The following DNAJB13 variants were observed in gnomAD, a reference collection of about 807,000 sequenced individuals.
DNAJB13 encodes dnaJ homolog subfamily B member 13.
In DNAJB13, 22 loss-of-function variants were observed where a neutral mutation model predicts 35.6. That is an observed-to-expected ratio of 0.62 (90% CI 0.44 to 0.88). The LOEUF (loss-of-function observed/expected upper bound fraction) is 0.88, where lower values mean the gene tolerates loss of function less well. DNAJB13 is among the 40% of genes least tolerant of loss of function. The probability of loss-of-function intolerance (pLI) is 0.00; values close to 1 mark genes in which losing one functional copy is unlikely to be tolerated. For missense variants in DNAJB13, 370 were observed against 384.3 expected (o/e 0.96, Z 0.31); for synonymous variants, 136 against 144.2 (o/e 0.94, Z 0.41).
intron 1 of DNAJB13, among the ~76,000 whole-genome samples, chr11:73,953,991 AT>A (rs1250162660): frequency 1.1e-4 from 14 of 125,666 alleles, no homozygotes; most frequent in African/African-American, 4.3e-4. Context: ...TGTCTCAAAA[AT>A]AATAATAAAA....
chr11:73,970,193 G>T lies in DNAJB13; in HGVS notation c.*79G>T. The T allele has an allele frequency of 6.6e-7, 1 of 1,507,430 alleles. No homozygotes were observed. 93.4% of individuals were successfully genotyped at this position (1,507,430 alleles called of 1,614,324 possible). The stretch of plus-strand genomic sequence containing the variant: ...CCTACCCGCCACAGCCTCAGGGTGT[G>T]CAGGGGAGCCTGCTGCACAGATATG... On this transcript the variant is annotated 3_prime_UTR_variant, in exon 8 of 8. Transcript: ENST00000339764.
chr11:73,970,087 G>A lies in DNAJB13; in HGVS notation c.924G>A (p.Gln308=). The A allele has an allele frequency of 6.2e-7, 1 of 1,609,486 alleles. No individual in the cohort carries two copies. The highest frequency in any genetic ancestry group is 8.5e-7 in the Non-Finnish European group (1 of 1,177,734). Residue 308 remains glutamine (Q), a synonymous_variant, in exon 8 of 8, where the codon CAG becomes CAA. Transcript: ENST00000339764. ...FPTRLTPQKK[Q]MLRQALLT is the part of the protein sequence containing the mutation. ...CCCGCCTCACACCCCAGAAGAAGCA[G>A]ATGCTGCGCCAGGCATTGCTGACAT... is the stretch of plus-strand genomic sequence containing the variant.
intron 1 of DNAJB13, among the ~76,000 whole-genome samples, chr11:73,953,552 CAGAG>C (rs1007861823): frequency 2.6e-5 from 4 of 152,176 alleles, no homozygotes; most frequent in Non-Finnish European, 5.9e-5. Context: ...CACTGGTAGT[CAGAG>C]AGAAACAGAA....
intron 1 of DNAJB13, among the ~76,000 whole-genome samples, chr11:73,955,307 CTTTTTTTTTT>C (rs570240877): frequency 2.2e-5 from 3 of 134,794 alleles, no homozygotes. Context: ...AACCTTGTTA[CTTTTTTTTTT>C]TTTTTTTTTG....
Position 73,954,684 on chromosome 11 carries a change from G to A in DNAJB13, c.68+3547G>A, listed in dbSNP as rs186800939. Among the ~76,000 whole-genome samples, 419 of 149,692 alleles carry A rather than the reference G, an allele frequency of 2.8e-3. 2 individuals are homozygous for A. Among genetic ancestry groups the A allele is most frequent in the African/African-American group, 9.7e-3 (398 of 40,918 alleles). ...TAAATAAATAAATAAGGCTGGGCAC[G>A]GTGGCTCATGCCTGTAATCCCAGCA... On this transcript the variant is annotated intron_variant, in intron 1 of 7. Coordinates refer to ENST00000339764, the MANE Select transcript of DNAJB13 (RefSeq NM_153614.4).
At position 73,959,540 on chromosome 11, in the gene DNAJB13, G is replaced by T. The variant is rs1182064277; in HGVS notation, c.219G>T (p.Lys73Asn). Residue 73 changes from lysine (K) to asparagine (N), a missense_variant, in exon 3 of 8, where the codon AAG becomes AAT. By Grantham distance (94) the Lys-to-Asn change is moderately conservative. Transcript: ENST00000339764. ...IYDKFGEEGL[K>N]GGIPLEFGSQ... is the part of the protein sequence containing the mutation. ...ACAAGTTTGGAGAAGAGGGCCTGAAGGGTGGGATTCCTTTGGAGTTTGGAT... is the reference window on the plus strand; with the variant it reads ...ACAAGTTTGGAGAAGAGGGCCTGAATGGTGGGATTCCTTTGGAGTTTGGAT... 1 of 1,614,032 alleles carries T rather than the reference G, an allele frequency of 6.2e-7. No individual in the cohort carries two copies. Among genetic ancestry groups the T allele is most frequent in the African/African-American group, 1.3e-5 (1 of 74,920 alleles).
Position 73,959,750 on chromosome 11 carries a change from A to T in DNAJB13, c.334+95A>T, listed in dbSNP as rs77465381. The T allele has an allele frequency of 1.2e-4, 127 of 1,052,944 alleles. No homozygotes were observed. In the Middle Eastern group the frequency reaches 1.3e-3, roughly 11 times the overall value. The allele number at this position is 1,052,944 out of a possible 1,614,324, so 65.2% of individuals were successfully genotyped here. ...GTAGTTTTGTTTTTATTTTTACTTT[A>T]TTATTTTATTTTATTTACTTATTTT... On this transcript the variant is annotated intron_variant, in intron 3 of 7. Coordinates refer to ENST00000339764, the MANE Select transcript of DNAJB13 (RefSeq NM_153614.4).
Position 73,959,669 on chromosome 11 carries a change from CT to C in DNAJB13, c.334+15del. 6.2e-7 allele frequency: 1 copy of C among 1,610,174 alleles called. No individual in the cohort carries two copies. The highest frequency in any genetic ancestry group is 8.5e-7 in the Non-Finnish European group (1 of 1,177,240). ...ACCCCTTCAGTGGTAAGAGGTCTTC[CT>C]CCCCCACCTTGCCTTATAGAGAAAG... is the stretch of plus-strand genomic sequence containing the variant. On this transcript the variant is annotated intron_variant, in intron 3 of 7. Coordinates refer to ENST00000339764, the MANE Select transcript of DNAJB13 (RefSeq NM_153614.4).
At chr11:73,968,766 AG>A (rs113905402) in intron 6 of DNAJB13, among the ~76,000 whole-genome samples, 4,855 of 152,146 alleles carry the variant, frequency 0.032, 276 homozygotes, top group African/African-American at 0.11. Flanking sequence ...GTGCCACTGG[AG>A]GCCCTCTGCG....
intron 3 of DNAJB13, among the ~76,000 whole-genome samples, chr11:73,962,891 A>C (rs1193691822): frequency 6.6e-6 from 1 of 152,126 alleles, no homozygotes; most frequent in East Asian, 1.9e-4. Context: ...TTTCCAATCC[A>C]TGCGCTGCCA....
intron 1 of DNAJB13, among the ~76,000 whole-genome samples, chr11:73,953,129 G>A (rs1180659045): frequency 1.3e-5 from 2 of 152,168 alleles, no homozygotes. Context: ...GGGAGGCTGA[G>A]GTGGGAGGAT....
chr11:73,956,803 CAAAAA>C (rs1163341948), intron 1 of DNAJB13, among the ~76,000 whole-genome samples: 5 of 75,888 alleles, frequency 6.6e-5, no homozygotes, highest in African/African-American at 1.4e-4. Flanking sequence ...AACTCCATCT[CAAAAA>C]AAAAAAAAAA....
intron 1 of DNAJB13, among the ~76,000 whole-genome samples, chr11:73,954,634 A>AT (rs1554989377): frequency 2.4e-5 from 3 of 124,758 alleles, no homozygotes; most frequent in East Asian, 4.7e-4. Context: ...CGTCTCAAAA[A>AT]AAAAAAATAA....
At chr11:73,957,878 C>T (rs758813219) in intron 1 of DNAJB13, among the ~76,000 whole-genome samples, 11 of 152,134 alleles carry the variant, frequency 7.2e-5, no homozygotes, top group Non-Finnish European at 1.2e-4. Flanking sequence ...GGAGCAGGGG[C>T]GCGCACAGTA....
intron 1 of DNAJB13, among the ~76,000 whole-genome samples, chr11:73,951,953 T>G (rs1267086112): frequency 1.3e-5 from 2 of 150,342 alleles, no homozygotes; most frequent in African/African-American, 2.5e-5. Flanking sequence ...GCCAAAAACA[T>G]GTTTTTTTTT....
At chr11:73,954,635 A>G in intron 1 of DNAJB13, among the ~76,000 whole-genome samples, 1 of 133,056 alleles carries the variant, frequency 7.5e-6, no homozygotes, top group East Asian at 2.4e-4. Context: ...GTCTCAAAAA[A>G]AAAAAATAAA....
chr11:73,959,817 C>A, intron 3 of DNAJB13, 162 bp downstream of exon 3: 1 of 681,210 alleles, frequency 1.5e-6, no homozygotes, highest in Non-Finnish European at 2.1e-6. Flanking sequence ...GGCTGGAGTG[C>A]AGTAGTGGGA....
Position 73,959,595 on chromosome 11 carries a change from T to G in DNAJB13, c.274T>G (p.Phe92Val). 1 of 1,614,196 alleles carries G rather than the reference T, an allele frequency of 6.2e-7. No individual in the cohort carries two copies. The highest frequency in any genetic ancestry group is 8.5e-7 in the Non-Finnish European group (1 of 1,180,034). Reference protein sequence around the residue: ...SQTPWTTGYVFHGKPEKVFHE... With the variant: ...SQTPWTTGYVVHGKPEKVFHE... ...GACCCCATGGACAACTGGTTACGTC[T>G]TCCATGGCAAACCTGAAAAGGTGTT... Residue 92 changes from phenylalanine (F) to valine (V), a missense_variant, in exon 3 of 8, where the codon TTC becomes GTC. By Grantham distance (50) the Phe-to-Val change is conservative. Transcript: ENST00000339764.
In DNAJB13 at chr11:73,968,398, C is replaced by A; in HGVS notation, c.660C>A (p.His220Gln). The change falls in exon 6 of 8, where the codon CAC (histidine) becomes CAA (glutamine). Residue 220 changes from histidine (H) to glutamine (Q), a missense_variant. Coordinates refer to ENST00000339764, the MANE Select transcript of DNAJB13 (RefSeq NM_153614.4). ...TTTTCATCGTAAAGGAGAAGCTACACCCTCGCTTCCGCAGGGAGAATGACA... is the reference window on the plus strand; with the variant it reads ...TTTTCATCGTAAAGGAGAAGCTACAACCTCGCTTCCGCAGGGAGAATGACA... ...DIIFIVKEKLHPRFRRENDNL... is the reference protein window; with the variant it reads ...DIIFIVKEKLQPRFRRENDNL... The A allele has an allele frequency of 6.2e-7, 1 of 1,614,156 alleles. No individual in the cohort carries two copies. Among genetic ancestry groups the A allele is most frequent in the Non-Finnish European group, 8.5e-7 (1 of 1,180,020 alleles).
Sources: gnomAD v4.1 joint callset for allele counts (sites outside exome capture counted in the v4.1 genomes callset) on GRCh38, gnomAD v4.1.1 for gene constraint, MANE v1.5 for transcripts, NCBI Gene and HGNC (gene_info 2026-07-23, HGNC 2026-07-21) for gene names.